Variants in GLCCI1 observed in about 807,000 individuals in gnomAD.
GLCCI1 encodes the protein glucocorticoid-induced transcript 1 protein.
A neutral mutation model predicts 52.2 loss-of-function variants in GLCCI1; 24 were observed. The observed-to-expected ratio is 0.46, with a 90% CI of 0.33 to 0.65. The LOEUF is 0.65. Ranked by LOEUF, GLCCI1 falls within the 30% of genes least tolerant of loss-of-function variation. GLCCI1 has a pLI of 0.02. For missense variants in GLCCI1, 704 were observed against 701.5 expected (o/e 1.00, Z -0.04); for synonymous variants, 310 against 276.5 (o/e 1.12, Z -1.20).
intron 5 of GLCCI1, among the ~76,000 whole-genome samples, chr7:8,062,217 G>A (rs573931313): frequency 3.4e-4 from 51 of 152,126 alleles, no homozygotes; most frequent in Non-Finnish European, 6.2e-4. Context: ...ATTTTTAGAA[G>A]TTTTAGATTT....
At chr7:8,010,129 C>T (rs1781235918) in intron 2 of GLCCI1, among the ~76,000 whole-genome samples, 1 of 152,114 alleles carries the variant, frequency 6.6e-6, no homozygotes. Context: ...AAAACAGCCC[C>T]TGGAACAGGC....
intron 2 of GLCCI1, among the ~76,000 whole-genome samples, chr7:8,018,337 C>T (rs895376303): frequency 1.3e-5 from 2 of 151,610 alleles, no homozygotes; most frequent in African/African-American, 4.8e-5. Context: ...ATGTTTTTTG[C>T]TAGGAGTTAG....
chr7:7,975,861 C>T (rs1262058618), intron 1 of GLCCI1, among the ~76,000 whole-genome samples: 1 of 152,114 alleles, frequency 6.6e-6, no homozygotes, highest in African/African-American at 2.4e-5. Flanking sequence ...TGTATCTGGG[C>T]TTTCTTGTGT....
intron 2 of GLCCI1, among the ~76,000 whole-genome samples, chr7:8,018,467 A>G (rs1311556392): frequency 2.0e-5 from 3 of 152,220 alleles, no homozygotes; most frequent in African/African-American, 7.2e-5. Flanking sequence ...CTAGCCAAAA[A>G]TAATTTTTCT....
chr7:7,999,897 G>A (rs969950774), intron 1 of GLCCI1, among the ~76,000 whole-genome samples: 2 of 152,062 alleles, frequency 1.3e-5, no homozygotes, highest in Non-Finnish European at 2.9e-5. Flanking sequence ...GAACTAGACC[G>A]TCTGTAGAAA....
At chr7:8,081,177 G>C (rs556906101) in intron 6 of GLCCI1, among the ~76,000 whole-genome samples, 4 of 152,138 alleles carry the variant, frequency 2.6e-5, no homozygotes, top group Non-Finnish European at 4.4e-5. Flanking sequence ...TCAGGTGCAC[G>C]TGGGAGCTTT....
chr7:8,020,513 C>G (rs1164941961), intron 2 of GLCCI1, among the ~76,000 whole-genome samples: 1 of 152,108 alleles, frequency 6.6e-6, no homozygotes, highest in Non-Finnish European at 1.5e-5. Context: ...AGATTTAGTT[C>G]CTTTTGCTGT....
intron 1 of GLCCI1, among the ~76,000 whole-genome samples, chr7:7,990,105 A>G (rs1562418834): frequency 6.6e-6 from 1 of 152,098 alleles, no homozygotes; most frequent in African/African-American, 2.4e-5. Flanking sequence ...TTTTCCTCCT[A>G]CTTTGAGATG....
At chr7:8,047,008 GA>G (rs200090069) in intron 3 of GLCCI1, among the ~76,000 whole-genome samples, 10,502 of 150,282 alleles carry the variant, frequency 0.07, 533 homozygotes, top group East Asian at 0.27. Context: ...CAGAGAGGGG[GA>G]AAAAAAAAAC....
intron 7 of GLCCI1, among the ~76,000 whole-genome samples, 198 bp downstream of exon 7, chr7:8,085,215 C>T (rs944325304): frequency 6.6e-6 from 1 of 152,138 alleles, no homozygotes; most frequent in African/African-American, 2.4e-5. Context: ...ATGTATAAGC[C>T]AGTACAAAGA....
intron 6 of GLCCI1, 93 bp from the exon 7 acceptor site, chr7:8,084,804 T>C (rs1783069074): frequency 1.6e-6 from 2 of 1,228,890 alleles, no homozygotes; most frequent in African/African-American, 1.5e-5. Flanking sequence ...ATAGGGGCAG[T>C]AGTGGATAAA....
chr7:8,086,433 G>T lies in GLCCI1; in HGVS notation c.1539G>T (p.Ala513=), dbSNP rs759778884. Reference sequence around the variant, plus strand: ...CTCTTTCTGATGACACCAGCACAGCGGGCTCCATGGAGGCCTCTGTCCAGC... The same window carrying T: ...CTCTTTCTGATGACACCAGCACAGCTGGCTCCATGGAGGCCTCTGTCCAGC... ...FTSLSDDTST[A]GSMEASVQQP... is the part of the protein sequence containing the mutation. Residue 513 remains alanine, a synonymous_variant, in exon 8 of 8, where the codon GCG becomes GCT. Transcript: ENST00000223145. The surrounding 1 kb of genome is among the most constrained non-coding windows in gnomAD (Gnocchi z 4.4). 5 of 1,613,926 alleles carry T rather than the reference G, an allele frequency of 3.1e-6. No individual in the cohort carries two copies. Among genetic ancestry groups the T allele is most frequent in the Admixed American group, 1.7e-5 (1 of 59,992 alleles).
At chr7:8,005,852 G>T (rs1312988572) in intron 2 of GLCCI1, among the ~76,000 whole-genome samples, 1 of 151,940 alleles carries the variant, frequency 6.6e-6, no homozygotes, top group African/African-American at 2.4e-5. Flanking sequence ...AGGCTGGAGT[G>T]CAATGGTGTG....
At chr7:8,022,607 G>T in intron 3 of GLCCI1, 38 bp downstream of exon 3, 1 of 1,348,874 alleles carries the variant, frequency 7.4e-7, no homozygotes, top group Non-Finnish European at 1.0e-6. Context: ...ACCTGTTTTG[G>T]TCCTAGTAGA....
chr7:7,970,827 A>T (rs1265781457), intron 1 of GLCCI1, among the ~76,000 whole-genome samples: 1 of 152,138 alleles, frequency 6.6e-6, no homozygotes, highest in Non-Finnish European at 1.5e-5. Flanking sequence ...AGAGCTACAG[A>T]TGCTGCTGCT....
chr7:8,086,142 A>T lies in GLCCI1; in HGVS notation c.1299-51A>T. 1 of 1,468,116 alleles carries T rather than the reference A, an allele frequency of 6.8e-7. No individual in the cohort carries two copies. The highest frequency in any genetic ancestry group is 9.2e-7 in the Non-Finnish European group (1 of 1,085,076). The allele number at this position is 1,468,116 out of a possible 1,614,324, so 90.9% of individuals were successfully genotyped here. A position where few individuals can be genotyped will look rare whatever the true frequency, so the allele number is the denominator to read the frequency against. On this transcript the variant is annotated intron_variant, in intron 7 of 7. Transcript: ENST00000223145. The surrounding 1 kb of genome is among the most constrained non-coding windows in gnomAD (Gnocchi z 4.4). ...ACTCCAGTTAATTCAGAAAATGCTT[A>T]ACTTTTTCTGTGTTCATGATTATAA...
Position 8,070,968 on chromosome 7 carries a change from C to T in GLCCI1, c.1014C>T (p.Tyr338=). 6.2e-7 allele frequency: 1 copy of T among 1,614,160 alleles called. No individual in the cohort carries two copies. The highest frequency in any genetic ancestry group is 1.1e-5 in the South Asian group (1 of 91,082). The change falls in exon 6 of 8, where the codon TAC becomes TAT. Residue 338 remains tyrosine (Y), a synonymous_variant. Transcript: ENST00000223145. ...DGRRAPLPAH[Y]RSSSTRSIDT... ...GAAGAGCTCCACTTCCTGCTCATTACCGGAGCAGTAGTACTCGCAGCATTG... is the reference window on the plus strand; with the variant it reads ...GAAGAGCTCCACTTCCTGCTCATTATCGGAGCAGTAGTACTCGCAGCATTG...
chr7:7,972,590 A>G (rs968749635), intron 1 of GLCCI1, among the ~76,000 whole-genome samples: 5 of 152,214 alleles, frequency 3.3e-5, no homozygotes, highest in Admixed American at 2.6e-4. Flanking sequence ...CCAAAAAATT[A>G]TGAAACCACT....
chr7:8,074,668 G>C (rs972262102), intron 6 of GLCCI1, among the ~76,000 whole-genome samples: 3 of 152,132 alleles, frequency 2.0e-5, no homozygotes, highest in Non-Finnish European at 2.9e-5. Context: ...CTGGGCAACA[G>C]AGCAAGAGTC....
Sources: gnomAD v4.1 joint callset for allele counts (sites outside exome capture counted in the v4.1 genomes callset) on GRCh38, gnomAD v4.1.1 for gene constraint, Gnocchi (gnomAD v3.1) non-coding constraint, MANE v1.5 for transcripts, NCBI Gene and HGNC (gene_info 2026-07-23, HGNC 2026-07-21) for gene names.